The following FAT3 variants were observed in gnomAD, a reference collection of about 807,000 sequenced individuals.
FAT3 encodes protocadherin Fat 3.
A neutral mutation model predicts 310.2 loss-of-function variants in FAT3; 95 were observed. The observed-to-expected ratio is 0.31, with a 90% CI of 0.26 to 0.36. The LOEUF (loss-of-function observed/expected upper bound fraction) is 0.36, where lower values mean the gene tolerates loss of function less well. Among genes scored for constraint, FAT3 ranks in the 10% least tolerant of loss-of-function variants. The probability of loss-of-function intolerance (pLI) is 1.00; values close to 1 mark genes in which losing one functional copy is unlikely to be tolerated. For missense variants in FAT3, 5,408 were observed against 5,715.6 expected, an observed-to-expected ratio of 0.95 and a Z score of 1.74; for synonymous variants, 2,314 against 2,192.9, an observed-to-expected ratio of 1.06 and a Z score of -1.54.
At chr11:92,838,646 A>G (rs1262052495) in intron 17 of FAT3, among the ~76,000 whole-genome samples, 4 of 152,216 alleles carry the variant, frequency 2.6e-5, no homozygotes, top group South Asian at 2.1e-4. Flanking sequence ...TAGTTCTTGC[A>G]TGATCCAGTT....
intron 3 of FAT3, among the ~76,000 whole-genome samples, chr11:92,610,014 C>G (rs1452810000): frequency 6.6e-6 from 1 of 152,148 alleles, no homozygotes; most frequent in Non-Finnish European, 1.5e-5. Flanking sequence ...CTGCACAAAG[C>G]ATTTTTAAGC....
At chr11:92,288,857 G>A (rs1386023444) in intron 1 of FAT3, among the ~76,000 whole-genome samples, 1 of 152,092 alleles carries the variant, frequency 6.6e-6, no homozygotes, top group Non-Finnish European at 1.5e-5. Flanking sequence ...TAGGCTGGCT[G>A]GACCACACTT....
At chr11:92,855,045 G>T (rs184002910) in intron 19 of FAT3, among the ~76,000 whole-genome samples, 25 of 152,288 alleles carry the variant, frequency 1.6e-4, no homozygotes, top group Admixed American at 3.3e-4. Flanking sequence ...ATTCATATGT[G>T]TACATTGCCA....
intron 2 of FAT3, among the ~76,000 whole-genome samples, chr11:92,473,867 A>G (rs1046963560): frequency 3.3e-5 from 5 of 152,166 alleles, no homozygotes; most frequent in African/African-American, 1.2e-4. Context: ...TTGGCACTTC[A>G]TGGGCCTTAT....
At chr11:92,572,892 A>T (rs1205081399) in intron 3 of FAT3, among the ~76,000 whole-genome samples, 1 of 152,196 alleles carries the variant, frequency 6.6e-6, no homozygotes, top group East Asian at 1.9e-4. Context: ...CCATAAGAAG[A>T]TGGTGCCTAG....
At chr11:92,669,546 T>A (rs1190526454) in intron 3 of FAT3, among the ~76,000 whole-genome samples, 2 of 152,234 alleles carry the variant, frequency 1.3e-5, no homozygotes, top group Non-Finnish European at 2.9e-5. Flanking sequence ...ACCCAGAATT[T>A]ATGCTTTAAA....
intron 3 of FAT3, among the ~76,000 whole-genome samples, chr11:92,634,525 A>G (rs1220446885): frequency 2.0e-5 from 3 of 152,074 alleles, no homozygotes; most frequent in African/African-American, 7.2e-5. Flanking sequence ...AATAAATCTT[A>G]TTTTCTTATC....
In FAT3 at chr11:92,843,924, G is replaced by A. The variant is rs766009618; in HGVS notation, c.10567-10G>A. On this transcript the variant is annotated splice_polypyrimidine_tract_variant and intron_variant, in intron 18 of 27. Transcript: ENST00000525166. ...TCCTTTGTTGCCTTTTCACCTCTTG[G>A]TTGTTTTAGGCAAAGGATTCAGGCA... 6.3e-7 allele frequency: 1 copy of A among 1,577,146 alleles called. No individual in the cohort carries two copies. The highest frequency in any genetic ancestry group is 2.2e-5 in the East Asian group (1 of 44,456).
chr11:92,400,327 G>A (rs918692627), intron 2 of FAT3: 1 of 152,092 alleles, frequency 6.6e-6, no homozygotes, highest in African/African-American at 2.4e-5. Context: ...ACTGTCTTAG[G>A]TTTGGATCAC....
intron 3 of FAT3, among the ~76,000 whole-genome samples, chr11:92,599,237 G>C (rs1156939525): frequency 2.0e-5 from 3 of 152,124 alleles, no homozygotes; most frequent in Non-Finnish European, 2.9e-5. Context: ...TGCATGGCTG[G>C]GGAGGCCTCA....
At chr11:92,595,437 C>T (rs1196964115) in intron 3 of FAT3, among the ~76,000 whole-genome samples, 1 of 152,154 alleles carries the variant, frequency 6.6e-6, no homozygotes, top group East Asian at 1.9e-4. Context: ...AGGCTTTTAA[C>T]AGGCTGTGGT....
chr11:92,412,736 T>TATACACACAC (rs1555038593), intron 2 of FAT3, among the ~76,000 whole-genome samples: 2 of 14,964 alleles, frequency 1.3e-4, no homozygotes, highest in East Asian at 4.7e-3. Flanking sequence ...TATATATATA[T>TATACACACAC]ATATATATAA....
intron 1 of FAT3, among the ~76,000 whole-genome samples, chr11:92,242,129 T>C (rs541199107): frequency 6.6e-6 from 1 of 152,208 alleles, no homozygotes; most frequent in South Asian, 2.1e-4. Context: ...CTATTGTGTT[T>C]AACATTGAGA....
chr11:92,832,927 A>G (rs1340899358), intron 14 of FAT3, among the ~76,000 whole-genome samples: 1 of 152,086 alleles, frequency 6.6e-6, no homozygotes, highest in African/African-American at 2.4e-5. Context: ...CCAGTTCACA[A>G]TTCATGGTCA....
intron 1 of FAT3, among the ~76,000 whole-genome samples, chr11:92,268,202 GGT>G (rs1276035761): frequency 6.6e-6 from 1 of 152,160 alleles, no homozygotes; most frequent in African/African-American, 2.4e-5. Context: ...TCACATGTGG[GGT>G]AACTGATACT....
At chr11:92,823,551 C>T (rs1948025165) in intron 13 of FAT3, among the ~76,000 whole-genome samples, 1 of 152,142 alleles carries the variant, frequency 6.6e-6, no homozygotes, top group Non-Finnish European at 1.5e-5. Context: ...AAACAAGAGT[C>T]CCTGTATTTT....
chr11:92,652,215 G>A (rs1369154808), intron 3 of FAT3, among the ~76,000 whole-genome samples: 2 of 69,922 alleles, frequency 2.9e-5, no homozygotes, highest in African/African-American at 2.8e-4. Context: ...GGCCTTGGCA[G>A]CCAACACCCC....
At chr11:92,296,532 C>T (rs1398302225) in intron 1 of FAT3, among the ~76,000 whole-genome samples, 1 of 152,130 alleles carries the variant, frequency 6.6e-6, no homozygotes, top group Non-Finnish European at 1.5e-5. Context: ...CATCCATCTG[C>T]TGACCTAGGA....
At chr11:92,566,929 A>G (rs1331179048) in intron 3 of FAT3, among the ~76,000 whole-genome samples, 3 of 152,168 alleles carry the variant, frequency 2.0e-5, no homozygotes, top group Non-Finnish European at 4.4e-5. Flanking sequence ...AAAACCATAA[A>G]AACCGTAGAA....
Sources: allele counts gnomAD v4.1 joint callset (sites outside exome capture counted in the v4.1 genomes callset), GRCh38; gene constraint gnomAD v4.1.1; transcripts MANE v1.5; gene names NCBI Gene and HGNC (gene_info 2026-07-23, HGNC 2026-07-21).